IARS1: variants seen among roughly 807,000 people sequenced by gnomAD.
The protein encoded by IARS1 is isoleucyl-tRNA synthetase 1.
In IARS1, 124 loss-of-function variants were observed where a neutral mutation model predicts 168.2. The ratio of observed to expected loss-of-function variants is 0.74; its 90% CI spans 0.64 to 0.86. The LOEUF (loss-of-function observed/expected upper bound fraction) is 0.86. IARS1 is among the 40% of genes least tolerant of loss of function. The probability of loss-of-function intolerance (pLI) is 0.00; values close to 1 mark genes in which losing one functional copy is unlikely to be tolerated. For missense variants in IARS1, 1,452 were observed against 1,515.8 expected (o/e 0.96, Z 0.70); for synonymous variants, 532 against 529.4 (o/e 1.00, Z -0.07).
At chr9:92,280,939 CA>C (rs753369757) in intron 6 of IARS1, 46 bp from the exon 7 acceptor site, 51 of 1,406,972 alleles carry the variant, frequency 3.6e-5, no homozygotes, top group South Asian at 7.7e-5. Context: ...TCCACAATAA[CA>C]GACACCTAAG....
At chr9:92,235,805 G>A (rs1304279607) in intron 30 of IARS1, among the ~76,000 whole-genome samples, 1 of 151,490 alleles carries the variant, frequency 6.6e-6, no homozygotes, top group Non-Finnish European at 1.5e-5. Context: ...GATTACAGGC[G>A]TGACCCACCT....
rs1174666724 is a variant in IARS1, at chr9:92,285,800, A to G, written c.519T>C (p.Tyr173=). 1 of 1,613,182 alleles carries G rather than the reference A, an allele frequency of 6.2e-7. No individual in the cohort carries two copies. Among genetic ancestry groups the G allele is most frequent in the Admixed American group, 1.7e-5 (1 of 60,004 alleles). ...AGAAGGGCATGACTTTCACACCTCT[A>G]TAAACAAGGCCTTTATCATAGAGTT... ...FKQLYDKGLV[Y]RGVKVMPFST... The change falls in exon 6 of 34, where the codon TAT becomes TAC. Residue 173 remains tyrosine, a synonymous_variant. Coordinates refer to ENST00000443024, the MANE Select transcript of IARS1 (RefSeq NM_002161.6).
intron 16 of IARS1, among the ~76,000 whole-genome samples, chr9:92,263,954 C>A (rs1342348839): frequency 6.6e-6 from 1 of 152,206 alleles, no homozygotes; most frequent in Non-Finnish European, 1.5e-5. Context: ...GACTTGAATT[C>A]AATGATTACC....
intron 10 of IARS1, among the ~76,000 whole-genome samples, 169 bp from the exon 11 acceptor site, chr9:92,271,824 A>T (rs1211011569): frequency 6.6e-6 from 1 of 152,222 alleles, no homozygotes; most frequent in Admixed American, 6.5e-5. Context: ...AGACCCTCAC[A>T]GTTGGACAGG....
rs751099409 is a variant in IARS1, at chr9:92,278,179, G to A, written c.833+20C>T. ...ACAGACACATGCACACAAACACAGA[G>A]CAACTATTTGAATATTCACCTTTCA... On this transcript the variant is annotated intron_variant, in intron 8 of 33. Coordinates refer to ENST00000443024, the MANE Select transcript of IARS1 (RefSeq NM_002161.6). The A allele has an allele frequency of 2.1e-6, 3 of 1,427,126 alleles. No individual in the cohort carries two copies. The highest frequency in any genetic ancestry group is 1.1e-5 in the South Asian group (1 of 87,248). The allele number at this position is 1,427,126 out of a possible 1,614,324, so 88.4% of individuals were successfully genotyped here. A position where few individuals can be genotyped will look rare whatever the true frequency, so the allele number is the denominator to read the frequency against.
chr9:92,214,295 C>A (rs1838254490), intron 33 of IARS1, among the ~76,000 whole-genome samples: 1 of 151,872 alleles, frequency 6.6e-6, no homozygotes, highest in African/African-American at 2.4e-5. Flanking sequence ...GTGGCTCACC[C>A]CCGTAATCCC....
In IARS1 at chr9:92,289,351, A is replaced by AGT; in HGVS notation, c.67_68dup (p.Glu24LeufsTer10). On this transcript the variant is annotated frameshift_variant, in exon 2 of 34. Coordinates refer to ENST00000443024, the MANE Select transcript of IARS1 (RefSeq NM_002161.6). LOFTEE classifies it high-confidence loss of function. ...AGCATTCCTGAAAACAATTAAATTC[A>AGT]GTCCAAAACTCCAAGATTTTCTCTT... The AGT allele has an allele frequency of 3.8e-6, 6 of 1,592,896 alleles. No homozygotes were observed. Among genetic ancestry groups the AGT allele is most frequent in the Non-Finnish European group, 5.2e-6 (6 of 1,162,564 alleles).
chr9:92,279,639 A>G (rs17590748), intron 7 of IARS1, among the ~76,000 whole-genome samples: 4,654 of 152,334 alleles, frequency 0.031, 112 homozygotes, highest in South Asian at 0.079. Context: ...TGTTCAATCA[A>G]GTTGACTGTT....
intron 8 of IARS1, 28 bp from the exon 9 acceptor site, chr9:92,277,951 A>G (rs764125958): frequency 6.2e-7 from 1 of 1,601,962 alleles, no homozygotes; most frequent in Non-Finnish European, 8.5e-7. Flanking sequence ...CAAACTCACA[A>G]TTAGATTAAA....
At chr9:92,226,799 GCCA>G (rs1825762372) in intron 31 of IARS1, among the ~76,000 whole-genome samples, 2 of 151,398 alleles carry the variant, frequency 1.3e-5, no homozygotes, top group Admixed American at 1.3e-4. Context: ...TCTTCACATG[GCCA>G]CCTTCTTTTT....
intron 10 of IARS1, among the ~76,000 whole-genome samples, chr9:92,272,864 C>CAAAAAAAAAAAAA (rs869076663): frequency 1.4e-3 from 78 of 57,024 alleles, no homozygotes; most frequent in Non-Finnish European, 1.6e-3. Flanking sequence ...CAAAACAAAA[C>CAAAAAAAAAAAAA]AAAAAAAAAA....
At chr9:92,216,487 A>G (rs1175082507) in intron 33 of IARS1, among the ~76,000 whole-genome samples, 7 of 131,684 alleles carry the variant, frequency 5.3e-5, no homozygotes, top group African/African-American at 1.7e-4. Context: ...CAAATTGGAT[A>G]AAGAGTCAAG....
chr9:92,254,088 T>C (rs1830397207), intron 20 of IARS1, among the ~76,000 whole-genome samples: 1 of 152,162 alleles, frequency 6.6e-6, no homozygotes, highest in South Asian at 2.1e-4. Flanking sequence ...TGGCCCAAAC[T>C]GCCCATAGTG....
intron 29 of IARS1, among the ~76,000 whole-genome samples, chr9:92,241,771 C>CT (rs1828445691): frequency 6.6e-6 from 1 of 151,908 alleles, no homozygotes; most frequent in Non-Finnish European, 1.5e-5. Context: ...TTGTACTGTA[C>CT]TTTTATGGAG....
At chr9:92,259,698 G>A (rs1831239310) in intron 18 of IARS1, among the ~76,000 whole-genome samples, 2 of 152,174 alleles carry the variant, frequency 1.3e-5, no homozygotes, top group Admixed American at 6.5e-5. Context: ...CATGATTACA[G>A]CTACCTCAAG....
At chr9:92,263,418 A>C (rs1831819511) in intron 16 of IARS1, among the ~76,000 whole-genome samples, 1 of 152,236 alleles carries the variant, frequency 6.6e-6, no homozygotes, top group Non-Finnish European at 1.5e-5. Flanking sequence ...TGGAAAAGAC[A>C]ATTTGATGAC....
intron 12 of IARS1, 35 bp from the exon 13 acceptor site, chr9:92,270,018 G>T: frequency 7.4e-7 from 1 of 1,343,530 alleles, no homozygotes; most frequent in Non-Finnish European, 1.1e-6. Context: ...AGCTGCTCAG[G>T]CTGAGACTAG....
intron 30 of IARS1, 139 bp from the exon 31 acceptor site, chr9:92,229,265 G>T: frequency 1.5e-6 from 1 of 654,762 alleles, no homozygotes; most frequent in Non-Finnish European, 2.5e-6. Context: ...ATATATATGT[G>T]TATATATAGC....
intron 17 of IARS1, among the ~76,000 whole-genome samples, chr9:92,261,386 A>G (rs1328211209): frequency 3.3e-5 from 5 of 152,164 alleles, no homozygotes; most frequent in Non-Finnish European, 7.3e-5. Context: ...TGGAAACGAC[A>G]AAATTACAGA....
Sources: gnomAD v4.1 joint callset for allele counts (sites outside exome capture counted in the v4.1 genomes callset) on GRCh38, gnomAD v4.1.1 for gene constraint, MANE v1.5 for transcripts, NCBI Gene and HGNC (gene_info 2026-07-23, HGNC 2026-07-21) for gene names.